Variants in SPTLC3 observed in about 807,000 individuals in gnomAD.
SPTLC3 encodes the protein serine palmitoyltransferase 3.
In SPTLC3, 36 loss-of-function variants were observed where a neutral mutation model predicts 59.3. The observed-to-expected ratio is 0.61, with a 90% CI of 0.47 to 0.80. SPTLC3 has a LOEUF of 0.80. Ranked by LOEUF, SPTLC3 falls within the 30% of genes least tolerant of loss-of-function variation. The probability of loss-of-function intolerance (pLI) is 0.00; values close to 1 mark genes in which losing one functional copy is unlikely to be tolerated. For synonymous variants in SPTLC3, 257 were observed against 240.8 expected (o/e 1.07, Z -0.62); for missense variants, 625 against 685.1 (o/e 0.91, Z 0.98).
chr20:13,145,759 C>T (rs941555385), intron 9 of SPTLC3, among the ~76,000 whole-genome samples: 1 of 152,136 alleles, frequency 6.6e-6, no homozygotes, highest in South Asian at 2.1e-4. Flanking sequence ...GCTACAGCAA[C>T]CAAAACAGCA....
chr20:13,154,168 C>G, intron 10 of SPTLC3, 30 bp downstream of exon 10: 1 of 1,612,610 alleles, frequency 6.2e-7, no homozygotes, highest in Non-Finnish European at 8.5e-7. Context: ...CATAATCACA[C>G]CTAAACCCCA....
Position 13,122,626 on chromosome 20 carries a change from T to C in SPTLC3, c.1153-3965T>C, listed in dbSNP as rs549367296. Reference sequence around the variant, plus strand: ...ATAAAATGGGAATTAAAACAGTACCTACCTTAAAGAGTTATTGTGAAATTT... The same window carrying C: ...ATAAAATGGGAATTAAAACAGTACCCACCTTAAAGAGTTATTGTGAAATTT... On this transcript the variant is annotated intron_variant, in intron 8 of 11. Transcript: ENST00000399002. 4.9e-4 allele frequency among the ~76,000 whole-genome samples: 75 copies of C among 152,362 alleles called. 1 individual carries two copies. Among genetic ancestry groups the C allele is most frequent in the Non-Finnish European group, 1.0e-3 (71 of 68,026 alleles).
At chr20:13,061,748 C>T (rs1402594678) in intron 2 of SPTLC3, among the ~76,000 whole-genome samples, 2 of 152,138 alleles carry the variant, frequency 1.3e-5, no homozygotes, top group African/African-American at 4.8e-5. Flanking sequence ...CTTCTTACCA[C>T]CCCTGCTGCT....
intron 5 of SPTLC3, 51 bp downstream of exon 5, chr20:13,091,258 T>C: frequency 1.9e-6 from 3 of 1,591,170 alleles, no homozygotes; most frequent in Non-Finnish European, 2.6e-6. Flanking sequence ...CTAAGAACTG[T>C]AACTCTGAGT....
At chr20:13,152,727 A>G (rs2038677165) in intron 9 of SPTLC3, among the ~76,000 whole-genome samples, 1 of 152,310 alleles carries the variant, frequency 6.6e-6, no homozygotes, top group East Asian at 1.9e-4. Context: ...ACCACCTTGT[A>G]GAAAAGAGGA....
chr20:13,059,041 A>T (rs1390691161), intron 2 of SPTLC3, among the ~76,000 whole-genome samples: 1 of 152,242 alleles, frequency 6.6e-6, no homozygotes, highest in African/African-American at 2.4e-5. Flanking sequence ...ACCAAAGACC[A>T]TGGACATCTG....
rs1474054334 is a variant in SPTLC3, at chr20:13,165,287, C to T, written c.*420C>T. On this transcript the variant is annotated 3_prime_UTR_variant, in exon 12 of 12. Transcript: ENST00000399002. ...TGCAGATGTAAGTGAGTGTGGTGGA[C>T]AGTAGCCACCTTCCTTGTTCCACTC... 1 of 160,152 alleles carries T rather than the reference C, an allele frequency of 6.2e-6. No homozygotes were observed. Among genetic ancestry groups the T allele is most frequent in the East Asian group, 1.8e-4 (1 of 5,506 alleles). The allele number at this position is 160,152 out of a possible 1,614,324, so 9.9% of individuals were successfully genotyped here. A position where few individuals can be genotyped will look rare whatever the true frequency, so the allele number is the denominator to read the frequency against.
intron 1 of SPTLC3, among the ~76,000 whole-genome samples, chr20:13,027,081 G>A (rs937921496): frequency 1.2e-4 from 18 of 152,134 alleles, no homozygotes; most frequent in Admixed American, 1.0e-3. Context: ...AAAGCACACC[G>A]TTCATTGGTT....
chr20:13,117,521 C>T lies in SPTLC3; in HGVS notation c.948C>T (p.Ile316=), dbSNP rs1990628296. 1.9e-6 allele frequency: 3 copies of T among 1,596,110 alleles called. No individual in the cohort carries two copies. The highest frequency in any genetic ancestry group is 1.7e-6 in the Non-Finnish European group (2 of 1,171,380). The change falls in exon 8 of 12, where the codon ATC becomes ATT. Residue 316 remains isoleucine, a synonymous_variant. Transcript: ENST00000399002. ...VEGVYSMEGS[I]VHLPQIIALK... ...TCTGCCCTAGCATGGAAGGTTCCATCGTGCATCTGCCCCAGATCATAGCTC... is the reference window on the plus strand; with the variant it reads ...TCTGCCCTAGCATGGAAGGTTCCATTGTGCATCTGCCCCAGATCATAGCTC...
rs1310763535 is a variant in SPTLC3, at chr20:13,145,473, C to T, written c.1280-8530C>T. 2.6e-5 allele frequency among the ~76,000 whole-genome samples: 4 copies of T among 152,030 alleles called. No individual in the cohort carries two copies. The East Asian group carries it at 7.7e-4, about 29-fold the overall frequency. ...ACAATGAAAATTACAAAACACTGTTCAAAGAAACCAGAGAAGACACAAACA... is the reference window on the plus strand; with the variant it reads ...ACAATGAAAATTACAAAACACTGTTTAAAGAAACCAGAGAAGACACAAACA... On this transcript the variant is annotated intron_variant, in intron 9 of 11. Transcript: ENST00000399002.
chr20:13,046,986 A>G (rs1987261478), intron 1 of SPTLC3, among the ~76,000 whole-genome samples: 1 of 152,184 alleles, frequency 6.6e-6, no homozygotes. Flanking sequence ...AGGAATATCC[A>G]CCTATGTTAG....
At chr20:13,137,458 T>C (rs2038274698) in intron 9 of SPTLC3, among the ~76,000 whole-genome samples, 1 of 152,100 alleles carries the variant, frequency 6.6e-6, no homozygotes, top group South Asian at 2.1e-4. Context: ...TCATATTTGG[T>C]TAAATTATGG....
At chr20:13,012,908 GA>G (rs1432605902) in intron 1 of SPTLC3, among the ~76,000 whole-genome samples, 3 of 152,070 alleles carry the variant, frequency 2.0e-5, no homozygotes, top group African/African-American at 7.2e-5. Context: ...TATAATTGCA[GA>G]AAAAATAGGG....
rs111790881 is a variant in SPTLC3 at position 13,010,069 on chromosome 20, G to A, written c.117+685G>A. On this transcript the variant is annotated intron_variant, in intron 1 of 11. Transcript: ENST00000399002. ...TTTTTTTTTTCACTCTTATTGCACCGGGATGTTTGCAGAGTGTCCTAGGCA... is the reference window on the plus strand; with the variant it reads ...TTTTTTTTTTCACTCTTATTGCACCAGGATGTTTGCAGAGTGTCCTAGGCA... Among the ~76,000 whole-genome samples the A allele has an allele frequency of 1.2e-3, 181 of 151,248 alleles. 1 individual carries two copies. Among genetic ancestry groups the A allele is most frequent in the South Asian group, 5.8e-3 (28 of 4,788 alleles).
At chr20:13,114,234 A>G (rs150069211) in intron 7 of SPTLC3, among the ~76,000 whole-genome samples, 12 of 152,368 alleles carry the variant, frequency 7.9e-5, no homozygotes, top group South Asian at 2.1e-4. Context: ...CCAAAGTTTC[A>G]TGAATGCATG....
chr20:13,101,537 G>A (rs555592344), intron 6 of SPTLC3, among the ~76,000 whole-genome samples: 1 of 152,310 alleles, frequency 6.6e-6, no homozygotes, highest in East Asian at 1.9e-4. Flanking sequence ...GGCAGCTTCA[G>A]GGACATAGCC....
At chr20:13,031,114 CT>C (rs1986421067) in intron 1 of SPTLC3, among the ~76,000 whole-genome samples, 1 of 152,088 alleles carries the variant, frequency 6.6e-6, no homozygotes, top group Admixed American at 6.6e-5. Flanking sequence ...ATGGATACAG[CT>C]GGGTTTCAAT....
chr20:13,069,670 C>T, intron 2 of SPTLC3, among the ~76,000 whole-genome samples: 1 of 152,160 alleles, frequency 6.6e-6, no homozygotes, highest in Non-Finnish European at 1.5e-5. Context: ...CAGACTGGTA[C>T]CTGTCTGCAG....
chr20:13,160,181 C>A, intron 11 of SPTLC3, 49 bp downstream of exon 11: 2 of 1,548,624 alleles, frequency 1.3e-6, no homozygotes, highest in Non-Finnish European at 1.8e-6. Context: ...ACCTTGGATT[C>A]AAAGCAAGTC....
Sources: gnomAD v4.1 joint callset for allele counts (sites outside exome capture counted in the v4.1 genomes callset) on GRCh38, gnomAD v4.1.1 for gene constraint, MANE v1.5 for transcripts, NCBI Gene and HGNC (gene_info 2026-07-23, HGNC 2026-07-21) for gene names.